Variants in F8 observed in about 807,000 individuals in gnomAD.
F8 encodes antihemophilic factor.
F8 carries 12 observed loss-of-function variants against 140.6 expected under a neutral mutation model. That is an observed-to-expected ratio of 0.09 (90% CI 0.05 to 0.14). The LOEUF (loss-of-function observed/expected upper bound fraction) is 0.14, where lower values mean the gene tolerates loss of function less well. F8 is among the 10% of genes least tolerant of loss of function. The pLI, the probability that F8 is intolerant of heterozygous loss-of-function variation, is 1.00. For missense variants in F8, 1,354 were observed against 1,720.7 expected (o/e 0.79, Z 3.77); for synonymous variants, 585 against 614.6 (o/e 0.95, Z 0.71).
chrX:154,934,239 C>T (rs2073212472), intron 13 of F8, among the ~76,000 whole-genome samples: 1 of 111,848 alleles, frequency 8.9e-6, no homozygotes, highest in Non-Finnish European at 1.9e-5. Context: ...ATGCTCATGG[C>T]TGGCAGATTT....
chrX:154,999,752 G>A, intron 1 of F8, 152 bp from the exon 2 acceptor site: 2 of 619,714 alleles, frequency 3.2e-6, no homozygotes, highest in Non-Finnish European at 5.0e-6. Flanking sequence ...CCGAAACACT[G>A]TTTTCACAAC....
intron 13 of F8, among the ~76,000 whole-genome samples, 198 bp downstream of exon 13, chrX:154,947,500 G>A (rs1352145822): frequency 9.0e-6 from 1 of 111,220 alleles, no homozygotes; most frequent in African/African-American, 3.3e-5. Flanking sequence ...ACTAAAAATA[G>A]AACTACTACG....
intron 18 of F8, 38 bp from the exon 19 acceptor site, chrX:154,902,205 C>T (rs1557276011): frequency 2.0e-6 from 2 of 1,021,148 alleles, no homozygotes; most frequent in South Asian, 1.9e-5. Context: ...TATTTCTTTT[C>T]ACTAAAAAAT....
At chrX:154,846,006 T>C (rs2072563067) in intron 25 of F8, among the ~76,000 whole-genome samples, 1 of 112,363 alleles carries the variant, frequency 8.9e-6, no homozygotes, top group Non-Finnish European at 1.9e-5. Context: ...TTGTTCTCAT[T>C]GGTTTCAAAG....
At position 154,863,065 on chromosome X, in the gene F8, G is replaced by A; in HGVS notation, c.6574+18C>T. On this transcript the variant is annotated intron_variant, in intron 23 of 25. Coordinates refer to ENST00000360256, the MANE Select transcript of F8 (RefSeq NM_000132.4). Reference sequence around the variant, plus strand: ...CCATGGTTGAGGGAAGAAGGATATGGGATGACTTGGCACTTACTATTTAAA... The same window carrying A: ...CCATGGTTGAGGGAAGAAGGATATGAGATGACTTGGCACTTACTATTTAAA... The A allele has an allele frequency of 8.3e-7, 1 of 1,207,600 alleles. No homozygotes were observed. Among genetic ancestry groups the A allele is most frequent in the Non-Finnish European group, 1.1e-6 (1 of 891,915 alleles).
intron 14 of F8, among the ~76,000 whole-genome samples, chrX:154,925,959 A>T (rs2073158075): frequency 8.9e-6 from 1 of 112,046 alleles, no homozygotes; most frequent in Non-Finnish European, 1.9e-5. Flanking sequence ...TCCCTACCCA[A>T]ATCTCATCTT....
intron 18 of F8, among the ~76,000 whole-genome samples, chrX:154,903,419 A>G (rs1442537287): frequency 1.8e-5 from 2 of 111,895 alleles, no homozygotes; most frequent in East Asian, 2.8e-4. Flanking sequence ...GCCTCAAGCA[A>G]TCCTCCAACC....
chrX:154,948,602 T>C (rs2073319597), intron 12 of F8, among the ~76,000 whole-genome samples: 2 of 112,334 alleles, frequency 1.8e-5, no homozygotes, highest in African/African-American at 6.5e-5. Context: ...TTCCATGTAT[T>C]ATTCTTGTAA....
At chrX:154,915,789 T>C (rs782080347) in intron 14 of F8, among the ~76,000 whole-genome samples, 5 of 112,094 alleles carry the variant, frequency 4.5e-5, no homozygotes, top group East Asian at 5.6e-4. Context: ...TTTCTTTTTT[T>C]CTAATTTGAA....
chrX:155,007,139 C>G (rs1361358556), intron 1 of F8, among the ~76,000 whole-genome samples: 2 of 111,301 alleles, frequency 1.8e-5, no homozygotes, highest in Non-Finnish European at 3.8e-5. Context: ...GGAAGCTCTT[C>G]CAGAAAAAAG....
chrX:154,944,240 A>G (rs1222290933), intron 13 of F8, among the ~76,000 whole-genome samples: 8 of 108,930 alleles, frequency 7.3e-5, no homozygotes, highest in Non-Finnish European at 1.3e-4. Context: ...GCAACCTACA[A>G]AATGGGAGAA....
chrX:154,930,106 T>A lies in F8; in HGVS notation c.3684A>T (p.Val1228=). ...TCACTGTATGTATCTGAGGCAAAAC[T>A]ACATTCTCTTGGATTAATGTTTCCT... ...EKKETLIQEN[V]VLPQIHTVTG... The change falls in exon 14 of 26, where the codon GTA becomes GTT. Residue 1228 remains valine (V), a synonymous_variant. Coordinates refer to ENST00000360256, the MANE Select transcript of F8 (RefSeq NM_000132.4). 2 of 1,210,770 alleles carry A rather than the reference T, an allele frequency of 1.7e-6. No individual in the cohort carries two copies. The highest frequency in any genetic ancestry group is 2.2e-6 in the Non-Finnish European group (2 of 894,840).
chrX:154,930,433 T>C lies in F8; in HGVS notation c.3357A>G (p.Leu1119=), dbSNP rs1220409949. The change falls in exon 14 of 26, where the codon CTA becomes CTG. Residue 1119 remains leucine (L), a synonymous_variant. Transcript: ENST00000360256. ...QNPDMSFFKM[L]FLPESARWIQ... ...TCCACCTTGCTGATTCTGGCAAGAA[T>C]AGCATCTTAAAGAACGACATATCTG... 6 of 1,210,010 alleles carry C rather than the reference T, an allele frequency of 5.0e-6. No homozygotes were observed. Among genetic ancestry groups the C allele is most frequent in the African/African-American group, 1.7e-5 (1 of 57,298 alleles).
At chrX:154,941,930 G>A (rs1472648952) in intron 13 of F8, among the ~76,000 whole-genome samples, 2 of 102,491 alleles carry the variant, frequency 2.0e-5, no homozygotes, top group South Asian at 4.6e-4. Context: ...GGTACATAAC[G>A]AAATGAAGGC....
In F8 at chrX:154,966,546, G is replaced by A. The variant is rs1453389771; in HGVS notation, c.1151C>T (p.Ser384Phe). The A allele has an allele frequency of 8.3e-7, 1 of 1,209,663 alleles. No homozygotes were observed. The highest frequency in any genetic ancestry group is 1.1e-6 in the Non-Finnish European group (1 of 895,154). Reference sequence around the variant, plus strand: ...TGAGCGAATTTGGATAAAGGAAGGAGAGTTGTCATCATCAAACCTGACCAC... The same window carrying A: ...TGAGCGAATTTGGATAAAGGAAGGAAAGTTGTCATCATCAAACCTGACCAC... ...MDVVRFDDDN[S>F]PSFIQIRSVA... Residue 384 changes from serine (S) to phenylalanine (F), a missense_variant, in exon 8 of 26, where the codon TCT becomes TTT. By Grantham distance (155) the Ser-to-Phe change is radical. Transcript: ENST00000360256.
At position 154,939,051 on chromosome X, in the gene F8, G is replaced by A. The variant is rs139399122; in HGVS notation, c.2114-7375C>T. On this transcript the variant is annotated intron_variant, in intron 13 of 25. Transcript: ENST00000360256. Reference sequence around the variant, plus strand: ...CTTTGCATTGGGAGCCAAGATGGCCGAATAGGAACAGCTCCAGTCTACAGC... The same window carrying A: ...CTTTGCATTGGGAGCCAAGATGGCCAAATAGGAACAGCTCCAGTCTACAGC... 4.7e-3 allele frequency among the ~76,000 whole-genome samples: 525 copies of A among 111,231 alleles called. 1 individual carries two copies. Among genetic ancestry groups the A allele is most frequent in the African/African-American group, 0.015 (465 of 30,621 alleles).
At chrX:154,954,166 T>C in intron 11 of F8, 124 bp from the exon 12 acceptor site, 1 of 753,143 alleles carries the variant, frequency 1.3e-6, no homozygotes. Context: ...TTTAATTCCA[T>C]TTCCTCTTAG....
At chrX:154,985,873 C>T (rs2073556043) in intron 5 of F8, among the ~76,000 whole-genome samples, 1 of 111,614 alleles carries the variant, frequency 9.0e-6, no homozygotes, top group African/African-American at 3.3e-5. Flanking sequence ...TTACAGGGAG[C>T]AGAGAGGAGA....
At chrX:154,999,398 T>C in intron 2 of F8, 81 bp downstream of exon 2, 1 of 1,078,232 alleles carries the variant, frequency 9.3e-7, no homozygotes, top group Non-Finnish European at 1.3e-6. Flanking sequence ...ACTTTTTAAC[T>C]GCAACCTCAA....
Sources: gnomAD v4.1 joint callset for allele counts (sites outside exome capture counted in the v4.1 genomes callset) on GRCh38, gnomAD v4.1.1 for gene constraint, MANE v1.5 for transcripts, NCBI Gene and HGNC (gene_info 2026-07-23, HGNC 2026-07-21) for gene names.